TANGO6: variants seen among roughly 807,000 people sequenced by gnomAD.
TANGO6 encodes the protein transport and Golgi organization protein 6 homolog.
TANGO6 carries 90 observed loss-of-function variants against 114.2 expected under a neutral mutation model. That is an observed-to-expected ratio of 0.79 (90% CI 0.66 to 0.94). The LOEUF (loss-of-function observed/expected upper bound fraction) is 0.94, where lower values mean the gene tolerates loss of function less well. TANGO6 is among the 40% of genes least tolerant of loss of function. The pLI is 0.00. For synonymous variants in TANGO6, 477 were observed against 509.8 expected (o/e 0.94, Z 0.87); for missense variants, 1,274 against 1,315.3 (o/e 0.97, Z 0.49).
At chr16:68,848,174 A>G (rs1961846146) in intron 1 of TANGO6, among the ~76,000 whole-genome samples, 1 of 152,064 alleles carries the variant, frequency 6.6e-6, no homozygotes, top group African/African-American at 2.4e-5. Flanking sequence ...AGAAGTGATC[A>G]TAGTACACTG....
intron 2 of TANGO6, among the ~76,000 whole-genome samples, chr16:68,862,162 C>G (rs796926311): frequency 1.7e-4 from 26 of 151,986 alleles, no homozygotes; most frequent in African/African-American, 5.8e-4. Context: ...CTCAGCCTCC[C>G]GAGTAGCTGG....
intron 4 of TANGO6, among the ~76,000 whole-genome samples, chr16:68,874,817 G>A (rs907981476): frequency 6.6e-6 from 1 of 152,080 alleles, no homozygotes; most frequent in African/African-American, 2.4e-5. Flanking sequence ...GGGCATGGTG[G>A]TGTATTCCTG....
intron 1 of TANGO6, among the ~76,000 whole-genome samples, chr16:68,849,971 CTTTT>C (rs560571416): frequency 6.1e-5 from 7 of 114,836 alleles, no homozygotes; most frequent in Non-Finnish European, 1.1e-4. Flanking sequence ...TCTAGCGGTT[CTTTT>C]TTTTTTTTTT....
chr16:69,053,891 C>T (rs538420426), intron 17 of TANGO6, among the ~76,000 whole-genome samples: 7 of 152,026 alleles, frequency 4.6e-5, no homozygotes, highest in Non-Finnish European at 8.8e-5. Flanking sequence ...TGGCGAAACC[C>T]GTCTCTACTA....
intron 7 of TANGO6, among the ~76,000 whole-genome samples, chr16:68,897,147 C>T (rs369568324): frequency 9.8e-4 from 149 of 152,224 alleles, no homozygotes; most frequent in African/African-American, 3.4e-3. Flanking sequence ...GTGATCCACC[C>T]GCCTCTGCCT....
At position 69,083,559 on chromosome 16, in the gene TANGO6, C is replaced by T. The variant is rs1206970867; in HGVS notation, c.3183C>T (p.Ala1061=). 3 of 1,610,804 alleles carry T rather than the reference C, an allele frequency of 1.9e-6. No homozygotes were observed. In the Admixed American group the frequency reaches 5.0e-5, roughly 27 times the overall value. Residue 1061 remains alanine, a synonymous_variant, in exon 18 of 18, where the codon GCC becomes GCT. Coordinates refer to ENST00000261778, the MANE Select transcript of TANGO6 (RefSeq NM_024562.2). ...TGTGTCTGGAGCCCGATGACGTGGC[C>T]AAGCTCCATGCCCAGTTGGCCCTAG... The part of the protein sequence containing the change: ...HVVCLEPDDV[A]KLHAQLALEE...
intron 15 of TANGO6, among the ~76,000 whole-genome samples, chr16:69,004,006 CAA>C (rs112221940): frequency 6.9e-6 from 1 of 143,968 alleles, no homozygotes; most frequent in Admixed American, 6.9e-5. Flanking sequence ...TCTGAATTGG[CAA>C]AAAAAAAAAA....
intron 17 of TANGO6, among the ~76,000 whole-genome samples, chr16:69,067,219 T>C (rs552287576): frequency 9.5e-4 from 145 of 152,220 alleles, no homozygotes; most frequent in Non-Finnish European, 1.7e-3. Flanking sequence ...TTTTTTTTTA[T>C]TAGCTGAGGC....
At chr16:69,025,583 G>A (rs1045856098) in intron 16 of TANGO6, among the ~76,000 whole-genome samples, 10 of 152,240 alleles carry the variant, frequency 6.6e-5, no homozygotes, top group African/African-American at 2.4e-4. Flanking sequence ...TCAGAGGAAA[G>A]TGTGCCAAAC....
intron 14 of TANGO6, 144 bp from the exon 15 acceptor site, chr16:68,973,884 C>T: frequency 1.1e-6 from 1 of 923,614 alleles, no homozygotes; most frequent in Non-Finnish European, 1.6e-6. Context: ...TATGCTGACT[C>T]TCCAAACAAT....
chr16:68,899,731 T>C (rs148175389), intron 7 of TANGO6, among the ~76,000 whole-genome samples: 1 of 151,992 alleles, frequency 6.6e-6, no homozygotes, highest in Non-Finnish European at 1.5e-5. Context: ...TACCACGTAG[T>C]TAGGACTGTA....
rs552897052 is a variant in TANGO6, at chr16:69,035,545, G to C, written c.2995-4763G>C. On this transcript the variant is annotated intron_variant, in intron 16 of 17. Transcript: ENST00000261778. Reference sequence around the variant, plus strand: ...TCTTTATTTATATAGTTCTGGTTATGCTTGGTGTGTGCCAGCTGTTTTGGG... The same window carrying C: ...TCTTTATTTATATAGTTCTGGTTATCCTTGGTGTGTGCCAGCTGTTTTGGG... 3.3e-5 allele frequency: 5 copies of C among 152,288 alleles called. No individual in the cohort carries two copies. In the South Asian group the frequency reaches 1.0e-3, roughly 32 times the overall value. 9.4% of individuals were successfully genotyped at this position (152,288 alleles called of 1,614,324 possible).
At chr16:68,958,671 C>T (rs1963559794) in intron 14 of TANGO6, among the ~76,000 whole-genome samples, 1 of 152,100 alleles carries the variant, frequency 6.6e-6, no homozygotes, top group South Asian at 2.1e-4. Context: ...ATGGCTTATA[C>T]CTGTGATCCC....
At chr16:68,878,337 C>CA in intron 6 of TANGO6, 57 bp downstream of exon 6, 2 of 1,517,844 alleles carry the variant, frequency 1.3e-6, no homozygotes, top group South Asian at 1.3e-5. Context: ...TTCAGTATTT[C>CA]ACGTTGAAAT....
At chr16:68,926,944 G>C (rs540353314) in intron 12 of TANGO6, 36 of 152,664 alleles carry the variant, frequency 2.4e-4, no homozygotes, top group African/African-American at 8.7e-4. Flanking sequence ...AATTCTAATA[G>C]AGCTGTAACA....
chr16:69,014,124 T>C lies in TANGO6; in HGVS notation c.2843-8704T>C, dbSNP rs532570149. ...AACAGAAATTCCCAACTCAAGTGGC[T>C]TAACAAAGAATGAATTATCACACAT... On this transcript the variant is annotated intron_variant, in intron 15 of 17. Transcript: ENST00000261778. Among the ~76,000 whole-genome samples, 4 of 152,300 alleles carry C rather than the reference T, an allele frequency of 2.6e-5. No individual in the cohort carries two copies. The East Asian group carries it at 5.8e-4, about 22-fold the overall frequency.
At position 68,875,307 on chromosome 16, in the gene TANGO6, C is replaced by G. The variant is rs1962337200; in HGVS notation, c.1131+17C>G. On this transcript the variant is annotated intron_variant, in intron 5 of 17. Coordinates refer to ENST00000261778, the MANE Select transcript of TANGO6 (RefSeq NM_024562.2). ...TGCCCCCAGGTAAATCTTTTTGTTTCTATTGATCATTTGAGGATTATCTGC... is the reference window on the plus strand; with the variant it reads ...TGCCCCCAGGTAAATCTTTTTGTTTGTATTGATCATTTGAGGATTATCTGC... The G allele has an allele frequency of 6.2e-7, 1 of 1,608,896 alleles. No homozygotes were observed. The highest frequency in any genetic ancestry group is 2.2e-5 in the East Asian group (1 of 44,792).
intron 6 of TANGO6, among the ~76,000 whole-genome samples, chr16:68,879,323 A>C (rs7187006): frequency 0.013 from 1,957 of 150,820 alleles, 38 homozygotes; most frequent in African/African-American, 0.043. Flanking sequence ...CTTTAGAAAA[A>C]ATTTTAAAAA....
intron 15 of TANGO6, among the ~76,000 whole-genome samples, chr16:69,016,915 C>A (rs1478203973): frequency 1.3e-5 from 2 of 152,122 alleles, no homozygotes; most frequent in Admixed American, 6.5e-5. Context: ...CCCACCTCAG[C>A]CTCCCAAAGT....
Sources: allele counts gnomAD v4.1 joint callset (sites outside exome capture counted in the v4.1 genomes callset), GRCh38; gene constraint gnomAD v4.1.1; transcripts MANE v1.5; gene names NCBI Gene and HGNC (gene_info 2026-07-23, HGNC 2026-07-21).